Variants in AP3B1 observed in about 807,000 individuals in gnomAD.
AP3B1 encodes adaptor related protein complex 3 subunit beta 1, also known as AP-3 complex subunit beta-1.
A neutral mutation model predicts 132.5 loss-of-function variants in AP3B1; 61 were observed. The ratio of observed to expected loss-of-function variants is 0.46; its 90% CI spans 0.37 to 0.57. The LOEUF is 0.57. Among genes scored for constraint, AP3B1 ranks in the 20% least tolerant of loss-of-function variants. The pLI is 0.00. For synonymous variants in AP3B1, 388 were observed against 438.3 expected (o/e 0.89, Z 1.43); for missense variants, 1,120 against 1,289.4 (o/e 0.87, Z 2.01).
chr5:78,278,194 ATAAAC>A (rs1204042838), intron 1 of AP3B1, among the ~76,000 whole-genome samples: 2 of 152,374 alleles, frequency 1.3e-5, no homozygotes, highest in South Asian at 2.1e-4. Context: ...ATCACCATAT[ATAAAC>A]TAAACTATGT....
intron 13 of AP3B1, among the ~76,000 whole-genome samples, chr5:78,159,164 C>T (rs569450433): frequency 1.3e-5 from 2 of 152,152 alleles, no homozygotes; most frequent in South Asian, 2.1e-4. Flanking sequence ...TTAAAGAATG[C>T]ATAGTATAAC....
rs148723722 is a variant in AP3B1 at position 78,253,328 on chromosome 5, C to T, written c.205-12392G>A. 3.4e-3 allele frequency among the ~76,000 whole-genome samples: 519 copies of T among 152,328 alleles called. 1 individual carries two copies. Among genetic ancestry groups the T allele is most frequent in the Middle Eastern group, 6.8e-3 (2 of 294 alleles). ...TCTTCAATGCCCAGACACCAAAGAACATCTACTTGCACCAACCTCTATGAG... is the reference window on the plus strand; with the variant it reads ...TCTTCAATGCCCAGACACCAAAGAATATCTACTTGCACCAACCTCTATGAG... On this transcript the variant is annotated intron_variant, in intron 2 of 26. Coordinates refer to ENST00000255194, the MANE Select transcript of AP3B1 (RefSeq NM_003664.5).
Position 78,109,440 on chromosome 5 carries a change from A to T in AP3B1, c.2397+767T>A, listed in dbSNP as rs184604752. The stretch of plus-strand genomic sequence containing the variant: ...TTGGATTAAGAAGAAATTGAACTGA[A>T]TCAAAGGCAGAGTTTGGCCATATTT... On this transcript the variant is annotated intron_variant, in intron 20 of 26. Coordinates refer to ENST00000255194, the MANE Select transcript of AP3B1 (RefSeq NM_003664.5). 2.2e-3 allele frequency among the ~76,000 whole-genome samples: 342 copies of T among 152,290 alleles called. 1 individual carries two copies. The highest frequency in any genetic ancestry group is 4.4e-3 in the Admixed American group (67 of 15,300).
intron 15 of AP3B1, 68 bp downstream of exon 15, chr5:78,141,075 C>G (rs925341963): frequency 6.9e-7 from 1 of 1,439,036 alleles, no homozygotes; most frequent in Non-Finnish European, 9.8e-7. Context: ...AGGCACAGAC[C>G]CCCGCTGTTT....
intron 3 of AP3B1, among the ~76,000 whole-genome samples, chr5:78,236,363 A>T (rs1580526265): frequency 1.3e-5 from 2 of 152,336 alleles, no homozygotes; most frequent in Non-Finnish European, 2.9e-5. Flanking sequence ...AAAGAAAAAA[A>T]ATATGCCAAT....
intron 24 of AP3B1, among the ~76,000 whole-genome samples, chr5:78,025,029 T>A (rs543366113): frequency 6.6e-6 from 1 of 152,114 alleles, no homozygotes; most frequent in Non-Finnish European, 1.5e-5. Flanking sequence ...TAAAAATACA[T>A]GTTAGCACAG....
At chr5:78,120,919 C>T (rs1043867497) in intron 17 of AP3B1, among the ~76,000 whole-genome samples, 1 of 152,134 alleles carries the variant, frequency 6.6e-6, no homozygotes, top group Admixed American at 6.5e-5. Flanking sequence ...CACACCTATT[C>T]CAAAATTGAC....
intron 13 of AP3B1, among the ~76,000 whole-genome samples, chr5:78,159,581 C>T (rs1743302469): frequency 6.6e-6 from 1 of 152,212 alleles, no homozygotes; most frequent in Non-Finnish European, 1.5e-5. Flanking sequence ...CTGACATCTT[C>T]TGACTGACCT....
At chr5:78,171,933 G>A (rs1048365513) in intron 11 of AP3B1, among the ~76,000 whole-genome samples, 1 of 152,154 alleles carries the variant, frequency 6.6e-6, no homozygotes, top group East Asian at 1.9e-4. Flanking sequence ...AGTTTATTGC[G>A]TGTTTTTAGC....
chr5:78,070,105 T>A (rs1352713495), intron 22 of AP3B1, among the ~76,000 whole-genome samples: 1 of 151,912 alleles, frequency 6.6e-6, no homozygotes, highest in Non-Finnish European at 1.5e-5. Flanking sequence ...TAACTCAAGA[T>A]GGAATAAAAA....
At chr5:78,121,716 CAA>C (rs1286715752) in intron 17 of AP3B1, 1 of 151,638 alleles carries the variant, frequency 6.6e-6, no homozygotes, top group Non-Finnish European at 1.5e-5. Context: ...GCTTACCAAC[CAA>C]AAAAAGTCCA....
intron 24 of AP3B1, among the ~76,000 whole-genome samples, chr5:78,026,098 T>C (rs1747329911): frequency 6.6e-6 from 1 of 152,194 alleles, no homozygotes; most frequent in Non-Finnish European, 1.5e-5. Context: ...CACAACCCCT[T>C]TGATTAAACA....
chr5:78,183,935 C>T (rs1163189760), intron 7 of AP3B1, among the ~76,000 whole-genome samples: 1 of 148,126 alleles, frequency 6.8e-6, no homozygotes, highest in Non-Finnish European at 1.5e-5. Context: ...TTTGGGAAGC[C>T]GAGGTGGGTG....
intron 22 of AP3B1, among the ~76,000 whole-genome samples, chr5:78,049,578 T>G (rs967844806): frequency 6.6e-5 from 10 of 152,198 alleles, no homozygotes; most frequent in Non-Finnish European, 1.5e-5. Flanking sequence ...AAGTCATAGC[T>G]GACACCTGAG....
At chr5:78,234,935 A>T (rs1255664175) in intron 3 of AP3B1, among the ~76,000 whole-genome samples, 1 of 152,188 alleles carries the variant, frequency 6.6e-6, no homozygotes, top group African/African-American at 2.4e-5. Context: ...GACTGCCTCC[A>T]AAGTCTTTAA....
In AP3B1 at chr5:78,244,088, TATATG is replaced by T. The variant is rs565977391; in HGVS notation, c.205-3157_205-3153del. On this transcript the variant is annotated intron_variant, in intron 2 of 26. Transcript: ENST00000255194. ...TGGGATTTATTCTGAAAATAGATTATATATGATATAAGAAAGAAGGGACATGAATT... is the reference window on the plus strand; with the variant it reads ...TGGGATTTATTCTGAAAATAGATTATATATAAGAAAGAAGGGACATGAATT... Among the ~76,000 whole-genome samples the T allele has an allele frequency of 1.1e-3, 161 of 152,298 alleles. 1 individual carries two copies. The highest frequency in any genetic ancestry group is 3.8e-3 in the African/African-American group (157 of 41,566).
intron 17 of AP3B1, among the ~76,000 whole-genome samples, chr5:78,118,713 G>C (rs1751990534): frequency 6.6e-6 from 1 of 152,210 alleles, no homozygotes; most frequent in Non-Finnish European, 1.5e-5. Context: ...AGCTCAAGGA[G>C]GCCTGCCTGC....
chr5:78,246,657 T>C (rs1008740033), intron 2 of AP3B1, among the ~76,000 whole-genome samples: 3 of 152,210 alleles, frequency 2.0e-5, no homozygotes, highest in Admixed American at 1.3e-4. Flanking sequence ...TCCCTAATTA[T>C]CCCTTAAATG....
At chr5:78,166,994 A>G (rs1473483747) in intron 11 of AP3B1, among the ~76,000 whole-genome samples, 1 of 152,248 alleles carries the variant, frequency 6.6e-6, no homozygotes, top group Admixed American at 6.5e-5. Flanking sequence ...AGATAAATAG[A>G]TGGGACTTAA....
Sources: allele counts gnomAD v4.1 joint callset (sites outside exome capture counted in the v4.1 genomes callset), GRCh38; gene constraint gnomAD v4.1.1; transcripts MANE v1.5; gene names NCBI Gene and HGNC (gene_info 2026-07-23, HGNC 2026-07-21).